The following KIAA1217 variants were observed in gnomAD, a reference collection of about 807,000 sequenced individuals.
The protein encoded by KIAA1217 is sickle tail protein homolog.
KIAA1217 carries 88 observed loss-of-function variants against 163.9 expected under a neutral mutation model. The ratio of observed to expected loss-of-function variants is 0.54; its 90% CI spans 0.45 to 0.64. KIAA1217 has a LOEUF of 0.64. Ranked by LOEUF, KIAA1217 falls within the 30% of genes least tolerant of loss-of-function variation. The probability of loss-of-function intolerance (pLI) is 0.00; values close to 1 mark genes in which losing one functional copy is unlikely to be tolerated. For missense variants in KIAA1217, 2,372 were observed against 2,475.0 expected, an observed-to-expected ratio of 0.96 and a Z score of 0.88; for synonymous variants, 903 against 923.1, an observed-to-expected ratio of 0.98 and a Z score of 0.39.
chr10:24,460,387 C>G (rs2062272208), intron 5 of KIAA1217, among the ~76,000 whole-genome samples: 2 of 152,172 alleles, frequency 1.3e-5, no homozygotes, highest in South Asian at 4.1e-4. Context: ...CAGTGAAGAT[C>G]ATTCACAGTG....
At chr10:24,494,909 C>G (rs553048483) in intron 7 of KIAA1217, 1 of 580,850 alleles carries the variant, frequency 1.7e-6, no homozygotes, top group East Asian at 2.9e-5. Flanking sequence ...CCTTGCGTGT[C>G]CACGTCGCCA....
chr10:23,889,054 A>G (rs1841309776), intron 1 of KIAA1217, among the ~76,000 whole-genome samples: 1 of 151,878 alleles, frequency 6.6e-6, no homozygotes, highest in Non-Finnish European at 1.5e-5. Flanking sequence ...AATAGTATTC[A>G]ATTTTAAGAA....
chr10:23,855,190 G>A (rs1022169748), intron 1 of KIAA1217, among the ~76,000 whole-genome samples: 39 of 152,278 alleles, frequency 2.6e-4, no homozygotes, highest in Admixed American at 9.2e-4. Context: ...TCCTTCAGGA[G>A]CTCTTTTAGG....
chr10:23,963,988 G>A (rs1844941278), intron 1 of KIAA1217, among the ~76,000 whole-genome samples: 1 of 151,336 alleles, frequency 6.6e-6, no homozygotes, highest in South Asian at 2.1e-4. Context: ...CCGCCACCCA[G>A]GTTCAAGAAA....
At chr10:24,439,806 T>C (rs988276313) in intron 5 of KIAA1217, among the ~76,000 whole-genome samples, 1 of 152,166 alleles carries the variant, frequency 6.6e-6, no homozygotes, top group Non-Finnish European at 1.5e-5. Flanking sequence ...AAGGACACTT[T>C]AAGGACATTG....
intron 2 of KIAA1217, among the ~76,000 whole-genome samples, chr10:24,076,240 C>G (rs935738231): frequency 6.6e-6 from 1 of 152,210 alleles, no homozygotes; most frequent in African/African-American, 2.4e-5. Context: ...AAGATTGATA[C>G]ACAGCGTTTA....
intron 3 of KIAA1217, among the ~76,000 whole-genome samples, chr10:24,409,742 C>G (rs182304286): frequency 2.0e-5 from 3 of 152,124 alleles, no homozygotes; most frequent in Admixed American, 2.0e-4. Context: ...TTCCCTCACC[C>G]CTCTCCCACC....
chr10:24,198,504 A>G (rs530005103), intron 2 of KIAA1217, among the ~76,000 whole-genome samples: 2 of 150,280 alleles, frequency 1.3e-5, no homozygotes, highest in East Asian at 2.0e-4. Flanking sequence ...AGCTATTTGG[A>G]TGGCTGAAGC....
At chr10:24,487,415 T>G (rs2065547357) in intron 6 of KIAA1217, among the ~76,000 whole-genome samples, 1 of 152,212 alleles carries the variant, frequency 6.6e-6, no homozygotes. Context: ...GGAAGTGAAC[T>G]GAAATTGACA....
chr10:23,885,337 T>C (rs570716171), intron 1 of KIAA1217, among the ~76,000 whole-genome samples: 1 of 152,008 alleles, frequency 6.6e-6, no homozygotes, highest in Admixed American at 6.6e-5. Context: ...TTAAGTATAG[T>C]CCTCATGCTG....
At chr10:23,767,680 G>C (rs1251521245) in intron 1 of KIAA1217, among the ~76,000 whole-genome samples, 1 of 152,184 alleles carries the variant, frequency 6.6e-6, no homozygotes, top group Non-Finnish European at 1.5e-5. Context: ...GAACCCTCAG[G>C]TTGGGCTGTG....
chr10:24,104,270 C>T (rs1377268637), intron 2 of KIAA1217, among the ~76,000 whole-genome samples: 1 of 152,122 alleles, frequency 6.6e-6, no homozygotes, highest in Non-Finnish European at 1.5e-5. Flanking sequence ...ACAATGATGT[C>T]CTCCAGTAAG....
chr10:24,524,420 CAG>C lies in KIAA1217; in HGVS notation c.2555_2556del (p.Gln852ArgfsTer99). 1 of 1,614,218 alleles carries C rather than the reference CAG, an allele frequency of 6.2e-7. No individual in the cohort carries two copies. The highest frequency in any genetic ancestry group is 8.5e-7 in the Non-Finnish European group (1 of 1,180,034). ...CACAGCCGCAGAAGTCCTGAAGAGT[CAG>C]GAGGAGGCAGCCCACACCTCCGGCC... ...KATAAEVLKSQEEAAHTSGQP... is the reference protein window; with the variant it reads ...KATAAEVLKSXEEAAHTSGQP... On this transcript the variant is annotated frameshift_variant, in exon 13 of 21. Transcript: ENST00000376454. LOFTEE classifies it high-confidence loss of function.
At chr10:23,759,821 G>A (rs1158861600) in intron 1 of KIAA1217, among the ~76,000 whole-genome samples, 7 of 152,100 alleles carry the variant, frequency 4.6e-5, no homozygotes, top group Admixed American at 4.6e-4. Flanking sequence ...GTGTGGAATT[G>A]CCCTCCAAAA....
chr10:23,704,172 G>GTGTGTGTATATGTATATATATA (rs1229370789), intron 1 of KIAA1217, among the ~76,000 whole-genome samples: 1 of 39,926 alleles, frequency 2.5e-5, no homozygotes, highest in Non-Finnish European at 4.1e-5. Flanking sequence ...GTGTGTGTGT[G>GTGTGTGTATATGTATATATATA]TATATATATA....
intron 1 of KIAA1217, among the ~76,000 whole-genome samples, chr10:23,969,181 C>T (rs374799168): frequency 1.6e-4 from 24 of 152,208 alleles, no homozygotes; most frequent in East Asian, 5.8e-4. Flanking sequence ...ATTACAGGCA[C>T]GCGCCACTAT....
intron 2 of KIAA1217, among the ~76,000 whole-genome samples, chr10:24,200,047 C>A (rs189091436): frequency 6.6e-6 from 1 of 151,986 alleles, no homozygotes; most frequent in Non-Finnish European, 1.5e-5. Flanking sequence ...CCTTCCCCCC[C>A]ATGCACCCCT....
At chr10:24,114,277 A>C (rs540330733) in intron 2 of KIAA1217, among the ~76,000 whole-genome samples, 69 of 152,296 alleles carry the variant, frequency 4.5e-4, no homozygotes, top group Admixed American at 2.1e-3. Flanking sequence ...CCAGCATGGC[A>C]CATGTATACA....
In KIAA1217 at chr10:24,351,242, C is replaced by T. The variant is rs183053860; in HGVS notation, c.355-29627C>T. On this transcript the variant is annotated intron_variant, in intron 2 of 20. Transcript: ENST00000376454. ...GGATTACAGGTGCAAGCCACCATGC[C>T]TGGCCAGTGATTATGCGTCTTGTAA... 8.1e-4 allele frequency among the ~76,000 whole-genome samples: 124 copies of T among 152,342 alleles called. 2 individuals are homozygous for T. The highest frequency in any genetic ancestry group is 2.9e-3 in the African/African-American group (119 of 41,572).
Sources: allele counts gnomAD v4.1 joint callset (sites outside exome capture counted in the v4.1 genomes callset), GRCh38; gene constraint gnomAD v4.1.1; transcripts MANE v1.5; gene names NCBI Gene and HGNC (gene_info 2026-07-23, HGNC 2026-07-21).